Variants in RFC3 observed in about 807,000 individuals in gnomAD.
RFC3 encodes A1 38 kDa subunit.
In RFC3, 41 loss-of-function variants were observed where a neutral mutation model predicts 45.1. That is an observed-to-expected ratio of 0.91 (90% CI 0.71 to 1.18). The LOEUF (loss-of-function observed/expected upper bound fraction) is 1.18, where lower values mean the gene tolerates loss of function less well. Among genes scored for constraint, RFC3 ranks in the 50% most tolerant of loss-of-function variants. The pLI is 0.00. For missense variants in RFC3, 423 were observed against 428.1 expected (o/e 0.99, Z 0.10); for synonymous variants, 149 against 144.0 (o/e 1.03, Z -0.25).
At chr13:33,975,295 C>T in the RFC3 span, among the ~76,000 whole-genome samples, 1 of 152,114 alleles carries the variant, frequency 6.6e-6, no homozygotes, top group East Asian at 1.9e-4. Flanking sequence ...AAAAAGGCTA[C>T]ATACTATATG....
chr13:33,959,895 G>A (rs923939171), intron 8 of RFC3, among the ~76,000 whole-genome samples: 1 of 152,100 alleles, frequency 6.6e-6, no homozygotes, highest in Non-Finnish European at 1.5e-5. Flanking sequence ...GCATAGCGCC[G>A]GCATCACTCA....
intron 8 of RFC3, among the ~76,000 whole-genome samples, chr13:33,874,739 A>G (rs2082435124): frequency 6.6e-6 from 1 of 152,240 alleles, no homozygotes; most frequent in Non-Finnish European, 1.5e-5. Flanking sequence ...ATATACCTGG[A>G]AAATGACCCT....
chr13:33,852,588 TAAAAG>T (rs1301905484), intron 8 of RFC3, among the ~76,000 whole-genome samples: 1 of 151,930 alleles, frequency 6.6e-6, no homozygotes, highest in Non-Finnish European at 1.5e-5. Flanking sequence ...GAAATAATAA[TAAAAG>T]AGAAAGTTTG....
chr13:33,941,655 T>G (rs1302102322), intron 8 of RFC3, among the ~76,000 whole-genome samples: 1 of 152,186 alleles, frequency 6.6e-6, no homozygotes, highest in Non-Finnish European at 1.5e-5. Flanking sequence ...CCTGTTTTCT[T>G]TGGCTATCTT....
chr13:33,977,190 A>G, the RFC3 span, among the ~76,000 whole-genome samples: 2 of 152,186 alleles, frequency 1.3e-5, no homozygotes, highest in Admixed American at 6.6e-5. Context: ...TGACTAATGC[A>G]TGATGTATGA....
chr13:33,954,440 C>G (rs1480403979), intron 8 of RFC3, among the ~76,000 whole-genome samples: 1 of 152,142 alleles, frequency 6.6e-6, no homozygotes, highest in Non-Finnish European at 1.5e-5. Context: ...CTATGATAAT[C>G]CTACTATGAT....
At chr13:33,825,754 G>C (rs746489854) in intron 3 of RFC3, 35 bp from the exon 4 acceptor site, 172 of 1,199,738 alleles carry the variant, frequency 1.4e-4, no homozygotes, top group Non-Finnish European at 2.0e-4. Context: ...CAATATTAAG[G>C]GCATACTATA....
intron 8 of RFC3, among the ~76,000 whole-genome samples, chr13:33,853,972 C>A (rs1169013286): frequency 2.0e-5 from 3 of 152,120 alleles, no homozygotes; most frequent in Admixed American, 2.0e-4. Flanking sequence ...ACACAGTCAT[C>A]ACGGGGAGAT....
intron 8 of RFC3, among the ~76,000 whole-genome samples, chr13:33,875,649 T>C (rs2082441193): frequency 6.6e-6 from 1 of 152,050 alleles, no homozygotes; most frequent in African/African-American, 2.4e-5. Flanking sequence ...TTTCTTACCC[T>C]CCTCCAACCA....
At chr13:33,966,358 C>T (rs944365358) in exon 9 of RFC3, 1 of 585,060 alleles carries the variant, frequency 1.7e-6, no homozygotes, top group African/African-American at 1.9e-5. Flanking sequence ...CTTCAAAACA[C>T]TCATCTCCTC....
At chr13:33,922,463 A>G (rs2082775482) in intron 8 of RFC3, among the ~76,000 whole-genome samples, 1 of 152,120 alleles carries the variant, frequency 6.6e-6, no homozygotes, top group Non-Finnish European at 1.5e-5. Flanking sequence ...TCATATTGTG[A>G]TAATTATCAT....
At chr13:33,958,108 T>C (rs1244554069) in intron 8 of RFC3, among the ~76,000 whole-genome samples, 1 of 152,184 alleles carries the variant, frequency 6.6e-6, no homozygotes. Flanking sequence ...GGTGGTTCCA[T>C]GGATAGCGAG....
At chr13:33,945,789 T>G (rs1405454613) in intron 8 of RFC3, among the ~76,000 whole-genome samples, 1 of 152,228 alleles carries the variant, frequency 6.6e-6, no homozygotes. Flanking sequence ...CCTAATGAGA[T>G]GGTATATTCT....
chr13:33,915,954 A>G (rs2082730777), intron 8 of RFC3, among the ~76,000 whole-genome samples: 1 of 152,058 alleles, frequency 6.6e-6, no homozygotes, highest in South Asian at 2.1e-4. Flanking sequence ...GCACTCCACC[A>G]CACCTAGCTA....
intron 7 of RFC3, among the ~76,000 whole-genome samples, chr13:33,832,000 G>C (rs1011727377): frequency 6.6e-6 from 1 of 152,206 alleles, no homozygotes; most frequent in South Asian, 2.1e-4. Flanking sequence ...TACTCAGGAA[G>C]TATTTTTTGA....
At chr13:33,819,807 CACCTGTTT>C (rs2081984920) in intron 1 of RFC3, among the ~76,000 whole-genome samples, 2 of 152,100 alleles carry the variant, frequency 1.3e-5, no homozygotes, top group Admixed American at 1.3e-4. Context: ...AAGAAATGTT[CACCTGTTT>C]ACTCTTTTAT....
intron 4 of RFC3, among the ~76,000 whole-genome samples, chr13:33,828,395 C>T (rs1003934449): frequency 2.0e-5 from 3 of 152,178 alleles, no homozygotes; most frequent in Non-Finnish European, 2.9e-5. Flanking sequence ...CTGCACCAGC[C>T]ACAGCCACCT....
intron 8 of RFC3, among the ~76,000 whole-genome samples, chr13:33,915,775 G>A (rs2137715514): frequency 6.6e-6 from 1 of 151,300 alleles, no homozygotes; most frequent in Admixed American, 6.6e-5. Flanking sequence ...ACATTGTGAG[G>A]CAATAATTAT....
At chr13:33,947,622 G>A (rs1345298178) in intron 8 of RFC3, among the ~76,000 whole-genome samples, 1 of 152,156 alleles carries the variant, frequency 6.6e-6, no homozygotes, top group Non-Finnish European at 1.5e-5. Flanking sequence ...TTCCTAGCTT[G>A]GAGGACTCAG....
Sources: allele counts gnomAD v4.1 joint callset (sites outside exome capture counted in the v4.1 genomes callset), GRCh38; gene constraint gnomAD v4.1.1; transcripts MANE v1.5; gene names NCBI Gene and HGNC (gene_info 2026-07-23, HGNC 2026-07-21).